MRPL19: variants seen among roughly 807,000 people sequenced by gnomAD.
MRPL19 encodes mitochondrial ribosomal protein L19, also known as large ribosomal subunit protein bL19m.
MRPL19 carries 31 observed loss-of-function variants against 34.0 expected under a neutral mutation model. That is an observed-to-expected ratio of 0.91 (90% confidence interval 0.68 to 1.23). MRPL19 has a LOEUF of 1.23. Among genes scored for constraint, MRPL19 ranks in the 50% most tolerant of loss-of-function variants. MRPL19 has a pLI of 0.00. For missense variants in MRPL19, 384 were observed against 367.6 expected (o/e 1.04, Z -0.37); for synonymous variants, 152 against 127.7 (o/e 1.19, Z -1.28).
Position 75,657,083 on chromosome 2 carries a change from A to T in MRPL19, c.*1798A>T, listed in dbSNP as rs1678470825. 2 of 150,734 alleles carry T rather than the reference A, an allele frequency of 1.3e-5. No individual in the cohort carries two copies. Among genetic ancestry groups the T allele is most frequent in the East Asian group, 2.0e-4 (1 of 5,112 alleles). The allele number at this position is 150,734 out of a possible 1,614,324, so 9.3% of individuals were successfully genotyped here. The stretch of plus-strand genomic sequence containing the variant: ...AGATAAGGGGTATTCAATATAGTGT[A>T]TTTTTTTTTCATTTAAAATTGTTTG... On this transcript the variant is annotated 3_prime_UTR_variant, in exon 6 of 6. Coordinates refer to ENST00000393909, the MANE Select transcript of MRPL19 (RefSeq NM_014763.4).
At chr2:75,654,994 A>C in intron 5 of MRPL19, 70 bp from the exon 6 acceptor site, 2 of 1,518,972 alleles carry the variant, frequency 1.3e-6, no homozygotes, top group Non-Finnish European at 1.8e-6. Flanking sequence ...AAAACTTCAG[A>C]AGAATTTTTG....
In MRPL19 at chr2:75,660,643, A is replaced by G. The variant is rs1678589661; in HGVS notation, c.*5358A>G. On this transcript the variant is annotated 3_prime_UTR_variant, in exon 6 of 6. Coordinates refer to ENST00000393909, the MANE Select transcript of MRPL19 (RefSeq NM_014763.4). ...CTTAGTTTGTGTTTAATAGTTTGAC[A>G]TAGATTTCCTTGAAAGGAGTTAAAA... 1 of 152,182 alleles carries G rather than the reference A, an allele frequency of 6.6e-6. No individual in the cohort carries two copies. The highest frequency in any genetic ancestry group is 1.5e-5 in the Non-Finnish European group (1 of 68,052). 9.4% of individuals were successfully genotyped at this position (152,182 alleles called of 1,614,324 possible).
At chr2:75,651,287 C>T (rs1222535536) in intron 2 of MRPL19, 12 of 512,502 alleles carry the variant, frequency 2.3e-5, no homozygotes, top group African/African-American at 2.3e-4. Flanking sequence ...CGATGTGCTG[C>T]AGCTGTGTCT....
intron 2 of MRPL19, 37 bp from the exon 3 acceptor site, chr2:75,652,105 G>T (rs774660409): frequency 4.3e-5 from 54 of 1,267,364 alleles, no homozygotes; most frequent in Middle Eastern, 5.6e-4. Flanking sequence ...GCAGCCTTTT[G>T]AGTTTACTTT....
In MRPL19 at chr2:75,657,790, T is replaced by G. The variant is rs919870724; in HGVS notation, c.*2505T>G. ...TACTCTGTAGGAATATCTTTAAAATTCTTGTGAATTTTTCCCCAGAAGTAA... is the reference window on the plus strand; with the variant it reads ...TACTCTGTAGGAATATCTTTAAAATGCTTGTGAATTTTTCCCCAGAAGTAA... On this transcript the variant is annotated 3_prime_UTR_variant, in exon 6 of 6. Coordinates refer to ENST00000393909, the MANE Select transcript of MRPL19 (RefSeq NM_014763.4). The G allele has an allele frequency of 1.3e-5, 2 of 152,086 alleles. No individual in the cohort carries two copies. Among genetic ancestry groups the G allele is most frequent in the Non-Finnish European group, 2.9e-5 (2 of 67,998 alleles). 9.4% of individuals were successfully genotyped at this position (152,086 alleles called of 1,614,324 possible).
chr2:75,650,818 G>A (rs1270315855), intron 2 of MRPL19, among the ~76,000 whole-genome samples: 1 of 152,112 alleles, frequency 6.6e-6, no homozygotes, highest in Non-Finnish European at 1.5e-5. Flanking sequence ...TTTCTTCAAG[G>A]GATACTGCTG....
At chr2:75,651,443 T>C (rs1678330681) in intron 2 of MRPL19, 1 of 536,508 alleles carries the variant, frequency 1.9e-6, no homozygotes, top group Non-Finnish European at 3.8e-6. Context: ...GGACTCATCA[T>C]TGCAATGATT....
chr2:75,653,474 G>T (rs529475945), intron 4 of MRPL19, among the ~76,000 whole-genome samples: 7 of 152,140 alleles, frequency 4.6e-5, no homozygotes, highest in Non-Finnish European at 8.8e-5. Flanking sequence ...TACTCTACAT[G>T]GTTCTAGCCA....
At chr2:75,653,299 C>G (rs144465606) in intron 4 of MRPL19, among the ~76,000 whole-genome samples, 1 of 152,274 alleles carries the variant, frequency 6.6e-6, no homozygotes, top group East Asian at 1.9e-4. Flanking sequence ...TGCTGTCTTG[C>G]TTATTCTGTA....
In MRPL19 at chr2:75,655,649, A is replaced by G. The variant is rs1285995387; in HGVS notation, c.*364A>G. 6.2e-6 allele frequency: 1 copy of G among 162,132 alleles called. No individual in the cohort carries two copies. The highest frequency in any genetic ancestry group is 1.3e-5 in the Non-Finnish European group (1 of 75,028). The allele number at this position is 162,132 out of a possible 1,614,324, so 10.0% of individuals were successfully genotyped here. On this transcript the variant is annotated 3_prime_UTR_variant, in exon 6 of 6. Transcript: ENST00000393909. ...CACAATATGATTTACAGAATAATAA[A>G]CATTCATGTACCCACTATCAGGTTA...
rs1209985173 is a variant in MRPL19, at chr2:75,658,624, G to A, written c.*3339G>A. 6.6e-6 allele frequency among the ~76,000 whole-genome samples: 1 copy of A among 152,052 alleles called. No homozygotes were observed. Among genetic ancestry groups the A allele is most frequent in the Non-Finnish European group, 1.5e-5 (1 of 67,982 alleles). ...TCTACATGTTTATGAATTTCCCACTGTTTTTTTGTTATTGATTTCCAAGTT... is the reference window on the plus strand; with the variant it reads ...TCTACATGTTTATGAATTTCCCACTATTTTTTTGTTATTGATTTCCAAGTT... On this transcript the variant is annotated 3_prime_UTR_variant, in exon 6 of 6. Coordinates refer to ENST00000393909, the MANE Select transcript of MRPL19 (RefSeq NM_014763.4).
At chr2:75,649,804 A>AT (rs947004974) in intron 2 of MRPL19, among the ~76,000 whole-genome samples, 8 of 152,044 alleles carry the variant, frequency 5.3e-5, no homozygotes, top group African/African-American at 1.7e-4. Context: ...TATTTTAAAA[A>AT]TTTTTTTGTT....
rs1342457373 is a variant in MRPL19, at chr2:75,661,593, G to A, written c.*6308G>A. On this transcript the variant is annotated 3_prime_UTR_variant, in exon 6 of 6. Transcript: ENST00000393909. ...ATAACTCAGAGAGATCAAAAACTTA[G>A]TTTATCCTATTCGAAGGATTAGAAA... 1 of 152,116 alleles carries A rather than the reference G, an allele frequency of 6.6e-6. No homozygotes were observed. The highest frequency in any genetic ancestry group is 1.5e-5 in the Non-Finnish European group (1 of 68,030). 9.4% of individuals were successfully genotyped at this position (152,116 alleles called of 1,614,324 possible). A position where few individuals can be genotyped will look rare whatever the true frequency, so the allele number is the denominator to read the frequency against.
At position 75,658,169 on chromosome 2, in the gene MRPL19, G is replaced by A. The variant is rs929839599; in HGVS notation, c.*2884G>A. On this transcript the variant is annotated 3_prime_UTR_variant, in exon 6 of 6. Coordinates refer to ENST00000393909, the MANE Select transcript of MRPL19 (RefSeq NM_014763.4). ...AGCTCATTGCAGCCTCAAAATCCTG[G>A]GCTCAAGCAATCCTCCTTGAGTAGC... Among the ~76,000 whole-genome samples, 2 of 151,944 alleles carry A rather than the reference G, an allele frequency of 1.3e-5. No homozygotes were observed. Among genetic ancestry groups the A allele is most frequent in the African/African-American group, 4.8e-5 (2 of 41,370 alleles).
In MRPL19 at chr2:75,655,030, C is replaced by CTT. The variant is rs35367062; in HGVS notation, c.658-14_658-13dup. 1.9e-3 allele frequency: 2,159 copies of CTT among 1,155,632 alleles called. 10 individuals are homozygous for CTT. The African/African-American group carries it at 0.022, about 12-fold the overall frequency. 71.6% of individuals were successfully genotyped at this position (1,155,632 alleles called of 1,614,324 possible). The stretch of plus-strand genomic sequence containing the variant: ...CTCATGCCTATCAGCCTAATTATTG[C>CTT]TTTTTTTTTTTTTTTTTTTTTAATC... On this transcript the variant is annotated intron_variant, in intron 5 of 5. Coordinates refer to ENST00000393909, the MANE Select transcript of MRPL19 (RefSeq NM_014763.4).
At chr2:75,653,283 A>G (rs575828257) in intron 4 of MRPL19, among the ~76,000 whole-genome samples, 2 of 152,376 alleles carry the variant, frequency 1.3e-5, no homozygotes, top group South Asian at 4.1e-4. Context: ...AAAATGTGAA[A>G]GCAGTTGCTG....
rs762414160 is a variant in MRPL19, at chr2:75,652,667, A to G, written c.475+10A>G. On this transcript the variant is annotated intron_variant, in intron 4 of 5. Coordinates refer to ENST00000393909, the MANE Select transcript of MRPL19 (RefSeq NM_014763.4). The stretch of plus-strand genomic sequence containing the variant: ...GTTATCGAAGGACAAGGTAAGTTTT[A>G]TTTCATCATTTTCATTGTCTAGAAA... 7 of 1,608,550 alleles carry G rather than the reference A, an allele frequency of 4.4e-6. No individual in the cohort carries two copies. Among genetic ancestry groups the G allele is most frequent in the Non-Finnish European group, 5.9e-6 (7 of 1,177,794 alleles).
At chr2:75,651,761 G>A (rs1000707357) in intron 2 of MRPL19, 3 of 228,168 alleles carry the variant, frequency 1.3e-5, no homozygotes, top group Non-Finnish European at 2.6e-5. Context: ...ATAGGCTTTG[G>A]AGACTGACCA....
At chr2:75,652,482 G>A (rs745792542) in intron 3 of MRPL19, 41 bp from the exon 4 acceptor site, 1 of 1,598,916 alleles carries the variant, frequency 6.3e-7, no homozygotes, top group East Asian at 2.2e-5. Flanking sequence ...TCTCAGCTGG[G>A]TGTGCTGAAA....
Sources: allele counts gnomAD v4.1 joint callset (sites outside exome capture counted in the v4.1 genomes callset), GRCh38; gene constraint gnomAD v4.1.1; transcripts MANE v1.5; gene names NCBI Gene and HGNC (gene_info 2026-07-23, HGNC 2026-07-21).